TGM2: variants seen among roughly 807,000 people sequenced by gnomAD.
The protein encoded by TGM2 is protein-glutamine gamma-glutamyltransferase 2.
Under a neutral mutation model 75.6 loss-of-function variants are expected in TGM2, and 53 were observed. The ratio of observed to expected loss-of-function variants is 0.70; its 90% CI spans 0.56 to 0.88. The LOEUF is 0.88. TGM2 is among the 40% of genes least tolerant of loss of function. TGM2 has a pLI of 0.00. For synonymous variants in TGM2, 374 were observed against 381.1 expected, an observed-to-expected ratio of 0.98 and a Z score of 0.22; for missense variants, 842 against 928.5, an observed-to-expected ratio of 0.91 and a Z score of 1.21.
At chr20:38,143,119 T>C (rs2074996319) in intron 6 of TGM2, among the ~76,000 whole-genome samples, 1 of 152,058 alleles carries the variant, frequency 6.6e-6, no homozygotes, top group African/African-American at 2.4e-5. Context: ...TTTTGTCAAA[T>C]GGGATGAAGG....
upstream of TGM2, chr20:38,165,355 G>A: frequency 1.9e-6 from 2 of 1,077,120 alleles, no homozygotes; most frequent in Non-Finnish European, 2.7e-6. Context: ...CGACCTGGGA[G>A]GCCACCCATT....
chr20:38,146,579 C>G (rs747216790), intron 6 of TGM2, 138 bp downstream of exon 6: 1 of 1,045,428 alleles, frequency 9.6e-7, no homozygotes, highest in Non-Finnish European at 1.4e-6. Context: ...AGGGTGGTCA[C>G]AGGCTCTAGG....
chr20:38,165,192 C>T lies in TGM2; in HGVS notation c.7G>A (p.Glu3Lys), dbSNP rs776311789. 19 of 1,613,428 alleles carry T rather than the reference C, an allele frequency of 1.2e-5. No individual in the cohort carries two copies. The Admixed American group carries it at 1.3e-4, about 11-fold the overall frequency. ...CTGCGGTGACTCTGATACTCACCCT[C>T]GGCCATGGTCGGGCGGGGGCGGTGG... MA[E>K]ELVLERCDLE... Residue 3 changes from glutamate (E) to lysine (K), a missense_variant, in exon 1 of 13, where the codon GAG becomes AAG. Physicochemically the swap from Glu to Lys is moderately conservative, Grantham distance 56. Transcript: ENST00000361475.
At chr20:38,159,230 C>T (rs1234441541) in intron 2 of TGM2, among the ~76,000 whole-genome samples, 3 of 152,092 alleles carry the variant, frequency 2.0e-5, no homozygotes, top group Non-Finnish European at 4.4e-5. Context: ...AAGAAGGCAG[C>T]CTTATCCTCA....
intron 4 of TGM2, among the ~76,000 whole-genome samples, chr20:38,150,439 G>A (rs544351097): frequency 6.6e-6 from 1 of 152,200 alleles, no homozygotes; most frequent in Admixed American, 6.5e-5. Flanking sequence ...AGTTCCCAAA[G>A]TATGGTTATT....
chr20:38,159,591 A>C (rs538864744), intron 2 of TGM2, among the ~76,000 whole-genome samples: 5 of 152,392 alleles, frequency 3.3e-5, no homozygotes, highest in Admixed American at 6.5e-5. Flanking sequence ...CCAAGCCAGC[A>C]GCTCATCTAC....
At position 38,135,779 on chromosome 20, in the gene TGM2, C is replaced by T. The variant is rs544203075; in HGVS notation, c.1615+2334G>A. On this transcript the variant is annotated intron_variant, in intron 10 of 12. Transcript: ENST00000361475. The stretch of plus-strand genomic sequence containing the variant: ...TGTTCAGGAAAGGTCCCGGGCTTCT[C>T]GCCTCCCCACGCCTCTTAGCACTCG... 4.5e-4 allele frequency among the ~76,000 whole-genome samples: 69 copies of T among 152,222 alleles called. 1 individual carries two copies. Among genetic ancestry groups the T allele is most frequent in the African/African-American group, 1.6e-3 (66 of 41,530 alleles).
At chr20:38,137,037 G>A (rs1372248196) in intron 10 of TGM2, among the ~76,000 whole-genome samples, 1 of 152,188 alleles carries the variant, frequency 6.6e-6, no homozygotes, top group Admixed American at 6.5e-5. Flanking sequence ...AACTAGGCTG[G>A]TGCTGGGGAC....
intron 2 of TGM2, among the ~76,000 whole-genome samples, chr20:38,158,464 G>A (rs771188911): frequency 4.6e-5 from 7 of 152,152 alleles, no homozygotes; most frequent in Non-Finnish European, 4.4e-5. Context: ...CATGGTGGCC[G>A]GGCTGGGATG....
At chr20:38,166,465 G>A (rs2075310737), upstream of TGM2, 1 of 152,238 alleles carries the variant, frequency 6.6e-6, no homozygotes, top group Admixed American at 6.5e-5. Flanking sequence ...CTCTCATCCT[G>A]GTATCTCTGG....
chr20:38,154,629 G>T (rs1187776372), intron 3 of TGM2, among the ~76,000 whole-genome samples: 1 of 152,210 alleles, frequency 6.6e-6, no homozygotes, highest in Non-Finnish European at 1.5e-5. Flanking sequence ...TCAGTTTCCT[G>T]TGTGTGAAGT....
At chr20:38,165,529 G>T (rs771892513), upstream of TGM2, among the ~76,000 whole-genome samples, 14 of 152,086 alleles carry the variant, frequency 9.2e-5, no homozygotes, top group Non-Finnish European at 1.8e-4. Flanking sequence ...AGACCTTGGA[G>T]AACAGACACC....
At chr20:38,162,490 G>A (rs2075266395) in intron 1 of TGM2, among the ~76,000 whole-genome samples, 1 of 152,104 alleles carries the variant, frequency 6.6e-6, no homozygotes, top group South Asian at 2.1e-4. Flanking sequence ...AAAGGGTCCG[G>A]TTTCTTTAAT....
intron 12 of TGM2, among the ~76,000 whole-genome samples, chr20:38,130,832 A>T (rs1204426316): frequency 6.6e-6 from 1 of 152,204 alleles, no homozygotes; most frequent in Non-Finnish European, 1.5e-5. Flanking sequence ...GTGAGGATGC[A>T]CGTGTCTGCA....
Position 38,130,047 on chromosome 20 carries a change from G to T in TGM2, c.*172C>A. 1 of 818,618 alleles carries T rather than the reference G, an allele frequency of 1.2e-6. No individual in the cohort carries two copies. Among genetic ancestry groups the T allele is most frequent in the Non-Finnish European group, 1.9e-6 (1 of 522,866 alleles). The allele number at this position is 818,618 out of a possible 1,614,324, so 50.7% of individuals were successfully genotyped here. A position where few individuals can be genotyped will look rare whatever the true frequency, so the allele number is the denominator to read the frequency against. On this transcript the variant is annotated 3_prime_UTR_variant, in exon 13 of 13. Coordinates refer to ENST00000361475, the MANE Select transcript of TGM2 (RefSeq NM_004613.4). ...CAAAGGGGGTGAGTGGGGACCCACA[G>T]GCTCAGGAGGCTGAGATGGGCCAGG...
intron 6 of TGM2, among the ~76,000 whole-genome samples, chr20:38,144,388 A>T (rs924886895): frequency 2.6e-5 from 4 of 152,188 alleles, no homozygotes; most frequent in African/African-American, 9.7e-5. Flanking sequence ...TCCCAGAGCA[A>T]GCATTGAGGG....
chr20:38,146,037 C>T (rs1477131416), intron 6 of TGM2: 1 of 153,322 alleles, frequency 6.5e-6, no homozygotes, highest in Admixed American at 6.5e-5. Flanking sequence ...AGTCTACGTT[C>T]TTAGCCAGCA....
At chr20:38,130,453 C>A (rs1184820805) in intron 12 of TGM2, 84 bp from the exon 13 acceptor site, 3 of 1,439,712 alleles carry the variant, frequency 2.1e-6, no homozygotes, top group Non-Finnish European at 2.8e-6. Context: ...GTCACGTGAC[C>A]TCCGAGGATC....
In TGM2 at chr20:38,161,638, T is replaced by C. The variant is rs1488088801; in HGVS notation, c.11-39A>G. 3.1e-6 allele frequency: 5 copies of C among 1,612,872 alleles called. 1 individual carries two copies. Among genetic ancestry groups the C allele is most frequent in the African/African-American group, 2.7e-5 (2 of 74,876 alleles). On this transcript the variant is annotated intron_variant, in intron 1 of 12. Coordinates refer to ENST00000361475, the MANE Select transcript of TGM2 (RefSeq NM_004613.4). ...AGGAGACGCATGAGCCTCGGGGGCA[T>C]CCTTCAGACCTCCAGTGATGCACCT...
Sources: allele counts gnomAD v4.1 joint callset (sites outside exome capture counted in the v4.1 genomes callset), GRCh38; gene constraint gnomAD v4.1.1; transcripts MANE v1.5; gene names NCBI Gene and HGNC (gene_info 2026-07-23, HGNC 2026-07-21).